Variants in GTF2A1L observed in about 807,000 individuals in gnomAD.
GTF2A1L encodes the protein general transcription factor IIA subunit 1 like, also known as TFIIA-alpha and beta-like factor.
GTF2A1L carries 48 observed loss-of-function variants against 49.7 expected under a neutral mutation model. That is an observed-to-expected ratio of 0.97 (90% CI 0.77 to 1.23). The LOEUF is 1.23. Ranked by LOEUF, GTF2A1L falls within the 50% of genes most tolerant of loss-of-function variation. The pLI is 0.00. For missense variants in GTF2A1L, 736 were observed against 564.8 expected, an observed-to-expected ratio of 1.30 and a Z score of -3.07; for synonymous variants, 246 against 193.5, an observed-to-expected ratio of 1.27 and a Z score of -2.25.
chr2:48,631,133 A>T (rs1676545754), intron 3 of GTF2A1L, among the ~76,000 whole-genome samples: 1 of 152,190 alleles, frequency 6.6e-6, no homozygotes, highest in Admixed American at 6.5e-5. Context: ...CTGGCTTCAT[A>T]GAATGAGTTA....
rs141552540 is a variant in GTF2A1L at position 48,625,515 on chromosome 2, T to G, written c.247+4225T>G. On this transcript the variant is annotated intron_variant, in intron 3 of 8. Transcript: ENST00000403751. ...TATTTTCTCCGTATCTGTTGGCTGC[T>G]GTTTTATTTTGTTATTTGTTTTCTT... Among the ~76,000 whole-genome samples, 2 of 144,370 alleles carry G rather than the reference T, an allele frequency of 1.4e-5. 1 individual carries two copies. The highest frequency in any genetic ancestry group is 4.9e-5 in the African/African-American group (2 of 40,652). 94.7% of individuals were successfully genotyped at this position (144,370 alleles called of 152,430 possible). A position where few individuals can be genotyped will look rare whatever the true frequency, so the allele number is the denominator to read the frequency against.
At chr2:48,676,484 A>G (rs1214089526) in intron 8 of GTF2A1L, among the ~76,000 whole-genome samples, 1 of 151,814 alleles carries the variant, frequency 6.6e-6, no homozygotes, top group Non-Finnish European at 1.5e-5. Flanking sequence ...TTAACTTTCC[A>G]TATGTTAAAG....
chr2:48,669,644 T>G, intron 6 of GTF2A1L, 78 bp from the exon 7 acceptor site: 1 of 1,497,120 alleles, frequency 6.7e-7, no homozygotes. Context: ...GTGGAATGTT[T>G]GTTAATTTTA....
chr2:48,661,497 G>T (rs1243672922), intron 6 of GTF2A1L, among the ~76,000 whole-genome samples: 1 of 151,784 alleles, frequency 6.6e-6, no homozygotes, highest in Non-Finnish European at 1.5e-5. Context: ...CAAGTAATCT[G>T]CCTGCCTCAG....
At chr2:48,633,173 G>T (rs138151409) in intron 3 of GTF2A1L, 2 of 224,096 alleles carry the variant, frequency 8.9e-6, no homozygotes, top group Non-Finnish European at 2.0e-5. Flanking sequence ...ATGTGCTTTC[G>T]GTACCCTCAC....
At chr2:48,663,364 A>G (rs1239225780) in intron 6 of GTF2A1L, among the ~76,000 whole-genome samples, 1 of 152,144 alleles carries the variant, frequency 6.6e-6, no homozygotes, top group African/African-American at 2.4e-5. Flanking sequence ...TGAGCCCAGG[A>G]GGTCAAGGCT....
intron 6 of GTF2A1L, 164 bp downstream of exon 6, chr2:48,647,206 T>C (rs1677569295): frequency 1.5e-6 from 1 of 645,856 alleles, no homozygotes; most frequent in Non-Finnish European, 2.4e-6. Flanking sequence ...AAATTTTTAA[T>C]TGTGATAAAA....
chr2:48,671,693 C>A lies in GTF2A1L; in HGVS notation c.1329+13C>A. ...TCAGTATGATAAGGTACTGTATTTA[C>A]CTTTTGGACTTTGGGTTTATTAACT... On this transcript the variant is annotated intron_variant, in intron 8 of 8. Coordinates refer to ENST00000403751, the MANE Select transcript of GTF2A1L (RefSeq NM_006872.5). 2 of 1,601,538 alleles carry A rather than the reference C, an allele frequency of 1.2e-6. No individual in the cohort carries two copies. The highest frequency in any genetic ancestry group is 1.3e-5 in the African/African-American group (1 of 74,546).
At chr2:48,621,317 T>TG in intron 3 of GTF2A1L, 27 bp downstream of exon 3, 1 of 1,613,702 alleles carries the variant, frequency 6.2e-7, no homozygotes, top group South Asian at 1.1e-5. Flanking sequence ...AAATGAGTAC[T>TG]GTTAGTATCT....
intron 4 of GTF2A1L, among the ~76,000 whole-genome samples, 157 bp downstream of exon 4, chr2:48,642,614 G>C (rs1677261189): frequency 6.6e-6 from 1 of 152,182 alleles, no homozygotes; most frequent in Admixed American, 6.5e-5. Context: ...CAGCACTTTG[G>C]GAGGCTGAGG....
At chr2:48,623,523 A>G (rs1231020538) in intron 3 of GTF2A1L, among the ~76,000 whole-genome samples, 1 of 152,216 alleles carries the variant, frequency 6.6e-6, no homozygotes. Flanking sequence ...CAGATTTCTC[A>G]ACTTAGAGCT....
At chr2:48,626,925 T>G (rs548627470) in intron 3 of GTF2A1L, among the ~76,000 whole-genome samples, 1 of 144,004 alleles carries the variant, frequency 6.9e-6, no homozygotes, top group South Asian at 2.3e-4. Flanking sequence ...GTTTTTATGA[T>G]TTTTTGGATA....
intron 3 of GTF2A1L, among the ~76,000 whole-genome samples, chr2:48,623,793 A>C (rs970379456): frequency 1.3e-5 from 2 of 152,190 alleles, no homozygotes; most frequent in African/African-American, 4.8e-5. Flanking sequence ...CATTATCCTA[A>C]GTGAATTAAC....
chr2:48,647,765 A>T (rs1677607322), intron 6 of GTF2A1L, among the ~76,000 whole-genome samples: 1 of 152,108 alleles, frequency 6.6e-6, no homozygotes, highest in Non-Finnish European at 1.5e-5. Context: ...TGATATTGAA[A>T]ATAGGTCTGA....
chr2:48,632,842 G>T (rs1432766338), intron 3 of GTF2A1L: 25 of 228,022 alleles, frequency 1.1e-4, no homozygotes, highest in Non-Finnish European at 2.0e-4. Flanking sequence ...CAAAGTAATT[G>T]CCAATTGGTT....
intron 2 of GTF2A1L, 80 bp downstream of exon 2, chr2:48,621,032 C>G (rs1675967310): frequency 1.3e-6 from 2 of 1,516,414 alleles, no homozygotes; most frequent in East Asian, 2.3e-5. Flanking sequence ...TCTGATCTCT[C>G]AAATTATAGT....
At chr2:48,643,084 C>A (rs995648105) in intron 4 of GTF2A1L, among the ~76,000 whole-genome samples, 1 of 152,136 alleles carries the variant, frequency 6.6e-6, no homozygotes, top group Non-Finnish European at 1.5e-5. Context: ...ATGCTTGTTA[C>A]ATCCTAAATA....
chr2:48,665,850 AT>A (rs1412714346), intron 6 of GTF2A1L, among the ~76,000 whole-genome samples: 1 of 152,130 alleles, frequency 6.6e-6, no homozygotes, highest in Non-Finnish European at 1.5e-5. Flanking sequence ...GGGTTTCCAT[AT>A]CTTTACTGAA....
intron 6 of GTF2A1L, among the ~76,000 whole-genome samples, chr2:48,664,058 G>T (rs1454964199): frequency 6.6e-6 from 1 of 151,960 alleles, no homozygotes; most frequent in African/African-American, 2.4e-5. Flanking sequence ...GACCATTTGG[G>T]GTTGCTTTAT....
Sources: gnomAD v4.1 joint callset for allele counts (sites outside exome capture counted in the v4.1 genomes callset) on GRCh38, gnomAD v4.1.1 for gene constraint, MANE v1.5 for transcripts, NCBI Gene and HGNC (gene_info 2026-07-23, HGNC 2026-07-21) for gene names.